Variants in ARHGEF17 observed in about 807,000 individuals in gnomAD.
The protein encoded by ARHGEF17 is 164 kDa Rho-specific guanine-nucleotide exchange factor.
ARHGEF17 carries 80 observed loss-of-function variants against 174.0 expected under a neutral mutation model. The observed-to-expected ratio is 0.46, with a 90% CI of 0.38 to 0.55. The LOEUF (loss-of-function observed/expected upper bound fraction) is 0.55. Ranked by LOEUF, ARHGEF17 falls within the 20% of genes least tolerant of loss-of-function variation. ARHGEF17 has a pLI of 0.00. For synonymous variants in ARHGEF17, 1,311 were observed against 1,189.1 expected, an observed-to-expected ratio of 1.10 and a Z score of -2.11; for missense variants, 2,886 against 2,839.7, an observed-to-expected ratio of 1.02 and a Z score of -0.37.
In ARHGEF17 at chr11:73,310,017, A is replaced by G. The variant is rs1864785314; in HGVS notation, c.1379A>G (p.Lys460Arg). Residue 460 changes from lysine (K) to arginine (R), a missense_variant, in exon 1 of 21, where the codon AAG (lysine) becomes AGG (arginine). Coordinates refer to ENST00000263674, the MANE Select transcript of ARHGEF17 (RefSeq NM_014786.4). ...GAGCCTGAAAAGAGTCGACAGCGGA[A>G]GTCCCTGTCAAATCCAGATATCGCC... is the stretch of plus-strand genomic sequence containing the variant. ...GFEPEKSRQR[K>R]SLSNPDIASE... is the part of the protein sequence containing the mutation. 1 of 1,614,142 alleles carries G rather than the reference A, an allele frequency of 6.2e-7. No individual in the cohort carries two copies. Among genetic ancestry groups the G allele is most frequent in the East Asian group, 2.2e-5 (1 of 44,886 alleles).
At chr11:73,340,240 A>G (rs1274062938) in intron 1 of ARHGEF17, among the ~76,000 whole-genome samples, 2 of 152,168 alleles carry the variant, frequency 1.3e-5, no homozygotes, top group Non-Finnish European at 2.9e-5. Context: ...TGCCAAGACA[A>G]TAGGCTTGGA....
chr11:73,316,745 A>G (rs1192053181), intron 1 of ARHGEF17, among the ~76,000 whole-genome samples: 1 of 152,238 alleles, frequency 6.6e-6, no homozygotes, highest in East Asian at 1.9e-4. Context: ...CACATACTCA[A>G]AGTGAGATGG....
At position 73,367,851 on chromosome 11, in the gene ARHGEF17, C is replaced by G; in HGVS notation, c.*71C>G. On this transcript the variant is annotated 3_prime_UTR_variant, in exon 21 of 21. Transcript: ENST00000263674. ...CCTGCTTGCCTCTCCCTAGCCCACACGCAGACTTTGACCAGGAGTATCCAG... is the reference window on the plus strand; with the variant it reads ...CCTGCTTGCCTCTCCCTAGCCCACAGGCAGACTTTGACCAGGAGTATCCAG... 6.7e-7 allele frequency: 1 copy of G among 1,487,532 alleles called. No individual in the cohort carries two copies. The highest frequency in any genetic ancestry group is 1.2e-5 in the South Asian group (1 of 80,108). The allele number at this position is 1,487,532 out of a possible 1,614,324, so 92.1% of individuals were successfully genotyped here.
intron 1 of ARHGEF17, among the ~76,000 whole-genome samples, chr11:73,331,790 A>G (rs1055882024): frequency 6.6e-6 from 1 of 152,100 alleles, no homozygotes; most frequent in Admixed American, 6.5e-5. Flanking sequence ...CCACCTGGAA[A>G]ACCTCTCCCA....
At chr11:73,326,034 G>A (rs1049182434) in intron 1 of ARHGEF17, among the ~76,000 whole-genome samples, 1 of 152,246 alleles carries the variant, frequency 6.6e-6, no homozygotes, top group Non-Finnish European at 1.5e-5. Flanking sequence ...CGGGTTGGGG[G>A]AACCCAGGGG....
Position 73,349,129 on chromosome 11 carries a change from A to G in ARHGEF17, c.3270+2169A>G, listed in dbSNP as rs75532326. ...TGCAGCCAGAATGCCAGGCAGGAGG[A>G]GTAGACATGGCAGGGGCCTGAGGGG... is the stretch of plus-strand genomic sequence containing the variant. On this transcript the variant is annotated intron_variant, in intron 2 of 20. Transcript: ENST00000263674. Among the ~76,000 whole-genome samples, 10 of 152,270 alleles carry G rather than the reference A, an allele frequency of 6.6e-5. No homozygotes were observed. The East Asian group carries it at 1.9e-3, about 29-fold the overall frequency.
intron 1 of ARHGEF17, among the ~76,000 whole-genome samples, chr11:73,329,342 TATATATATATATATATA>T (rs1865155745): frequency 3.1e-5 from 1 of 31,746 alleles, no homozygotes; most frequent in African/African-American, 2.6e-4. Flanking sequence ...TATATATATA[TATATATATATATATATA>T]TATATATATA....
chr11:73,319,469 C>A (rs1864980687), intron 1 of ARHGEF17, among the ~76,000 whole-genome samples: 1 of 152,094 alleles, frequency 6.6e-6, no homozygotes, highest in African/African-American at 2.4e-5. Context: ...CTGCAAAGTC[C>A]CTGTTATTAT....
intron 1 of ARHGEF17, among the ~76,000 whole-genome samples, chr11:73,326,699 A>T (rs1865107548): frequency 6.6e-6 from 1 of 152,228 alleles, no homozygotes; most frequent in South Asian, 2.1e-4. Flanking sequence ...AACCTGGGCA[A>T]CCAAGAGTGA....
chr11:73,355,517 GCCT>G lies in ARHGEF17; in HGVS notation c.3454-7_3454-5del, dbSNP rs578138649. On this transcript the variant is annotated splice_polypyrimidine_tract_variant and intron_variant, in intron 3 of 20. Coordinates refer to ENST00000263674, the MANE Select transcript of ARHGEF17 (RefSeq NM_014786.4). ...GGGACACCTTGAGGGTCCCCAACCT[GCCT>G]CCTCCTCCACAGTTCTCCAAGGATG... The G allele has an allele frequency of 6.3e-7, 1 of 1,596,944 alleles. No homozygotes were observed. The highest frequency in any genetic ancestry group is 8.6e-7 in the Non-Finnish European group (1 of 1,164,518).
At chr11:73,347,145 CG>C in intron 2 of ARHGEF17, 185 bp downstream of exon 2, 1 of 721,292 alleles carries the variant, frequency 1.4e-6, no homozygotes, top group East Asian at 2.7e-5. Flanking sequence ...AGGCTTCTCC[CG>C]GGCAAGAGAG....
intron 9 of ARHGEF17, among the ~76,000 whole-genome samples, chr11:73,358,681 G>A: frequency 6.6e-6 from 1 of 151,452 alleles, no homozygotes. Context: ...AGCCAGGATG[G>A]TCTTGATCTC....
Position 73,363,462 on chromosome 11 carries a change from A to T in ARHGEF17, c.5246+7A>T. The T allele has an allele frequency of 6.2e-7, 1 of 1,609,858 alleles. No individual in the cohort carries two copies. Among genetic ancestry groups the T allele is most frequent in the South Asian group, 1.1e-5 (1 of 90,828 alleles). ...TGGGCACTGAGGATGGCTGGTAGGGACAGGGGAGGGACTAGGGACACAGTG... is the reference window on the plus strand; with the variant it reads ...TGGGCACTGAGGATGGCTGGTAGGGTCAGGGGAGGGACTAGGGACACAGTG... On this transcript the variant is annotated splice_region_variant and intron_variant, in intron 15 of 20. Coordinates refer to ENST00000263674, the MANE Select transcript of ARHGEF17 (RefSeq NM_014786.4).
chr11:73,340,086 C>G (rs1865346665), intron 1 of ARHGEF17, among the ~76,000 whole-genome samples: 1 of 152,194 alleles, frequency 6.6e-6, no homozygotes, highest in Non-Finnish European at 1.5e-5. Flanking sequence ...AGCCCCCACC[C>G]CAACTGACCT....
rs1387008898 is a variant in ARHGEF17, at chr11:73,362,025, T to C, written c.4495-15T>C. Reference sequence around the variant, plus strand: ...CCTCCATTCACCTTCTCCTGTCCATTGGCGCCTCCTGCAGTTCTCCTGTGC... The same window carrying C: ...CCTCCATTCACCTTCTCCTGTCCATCGGCGCCTCCTGCAGTTCTCCTGTGC... On this transcript the variant is annotated splice_polypyrimidine_tract_variant and intron_variant, in intron 12 of 20. Coordinates refer to ENST00000263674, the MANE Select transcript of ARHGEF17 (RefSeq NM_014786.4). The C allele has an allele frequency of 2.5e-6, 4 of 1,607,448 alleles. No homozygotes were observed. The Admixed American group carries it at 6.7e-5, about 27-fold the overall frequency.
intron 20 of ARHGEF17, among the ~76,000 whole-genome samples, chr11:73,367,306 G>T (rs1439058505): frequency 1.3e-5 from 2 of 152,154 alleles, no homozygotes; most frequent in Non-Finnish European, 2.9e-5. Context: ...ATCTTACAGG[G>T]CACTTACATT....
intron 1 of ARHGEF17, among the ~76,000 whole-genome samples, chr11:73,340,725 A>G (rs1258049948): frequency 2.0e-5 from 3 of 152,208 alleles, no homozygotes; most frequent in Non-Finnish European, 4.4e-5. Flanking sequence ...GTGACCAAGC[A>G]ATGAGCCAGG....
chr11:73,351,969 C>T (rs956470130), intron 2 of ARHGEF17, among the ~76,000 whole-genome samples: 1 of 152,168 alleles, frequency 6.6e-6, no homozygotes, highest in Non-Finnish European at 1.5e-5. Context: ...ATCCCTAAAT[C>T]AGGGTTCATT....
intron 1 of ARHGEF17, among the ~76,000 whole-genome samples, chr11:73,326,306 G>C (rs950198810): frequency 6.6e-6 from 1 of 152,198 alleles, no homozygotes; most frequent in Non-Finnish European, 1.5e-5. Context: ...GTAGAGGCCT[G>C]TGATGGAGAA....
Sources: allele counts gnomAD v4.1 joint callset (sites outside exome capture counted in the v4.1 genomes callset), GRCh38; gene constraint gnomAD v4.1.1; transcripts MANE v1.5; gene names NCBI Gene and HGNC (gene_info 2026-07-23, HGNC 2026-07-21).